LRCH2: variants seen among roughly 807,000 people sequenced by gnomAD.
LRCH2 encodes leucine rich repeats and calponin homology domain containing 2.
LRCH2 carries 38 observed loss-of-function variants against 68.9 expected under a neutral mutation model. That is an observed-to-expected ratio of 0.55 (90% CI 0.43 to 0.72). The LOEUF is 0.72. LRCH2 is among the 30% of genes least tolerant of loss of function. LRCH2 has a pLI of 0.00. For synonymous variants in LRCH2, 191 were observed against 208.1 expected (o/e 0.92, Z 0.71); for missense variants, 528 against 572.9 (o/e 0.92, Z 0.80).
At chrX:115,217,463 G>C (rs2073049128) in intron 1 of LRCH2, among the ~76,000 whole-genome samples, 1 of 111,103 alleles carries the variant, frequency 9.0e-6, no homozygotes, top group African/African-American at 3.3e-5. Flanking sequence ...CCACTTATGA[G>C]TGGGAACGTG....
At chrX:115,216,417 A>C (rs2073042272) in intron 1 of LRCH2, among the ~76,000 whole-genome samples, 1 of 112,348 alleles carries the variant, frequency 8.9e-6, no homozygotes, top group Admixed American at 9.5e-5. Flanking sequence ...ATGTTCTACA[A>C]TAAGCAAGCA....
chrX:115,183,294 G>T (rs1289428572), intron 3 of LRCH2, among the ~76,000 whole-genome samples: 1 of 111,693 alleles, frequency 9.0e-6, no homozygotes, highest in African/African-American at 3.3e-5. Flanking sequence ...TGAAATTTCT[G>T]CTCATTACAT....
intron 14 of LRCH2, among the ~76,000 whole-genome samples, chrX:115,134,002 T>A (rs1443295161): frequency 4.5e-5 from 5 of 111,924 alleles, no homozygotes; most frequent in African/African-American, 9.7e-5. Flanking sequence ...AAATAAGTGT[T>A]GAAGAAAAGT....
rs782672267 is a variant in LRCH2, at chrX:115,148,816, GTATT to G, written c.1695+1007_1695+1010del. 1.5e-4 allele frequency among the ~76,000 whole-genome samples: 17 copies of G among 111,366 alleles called. No homozygotes were observed. The South Asian group carries it at 6.4e-3, about 42-fold the overall frequency. ...ATGTAAGACTCATTAAAAGGACTCAGTATTTATTTGTTGAAGGCTTAAATTTACC... is the reference window on the plus strand; with the variant it reads ...ATGTAAGACTCATTAAAAGGACTCAGTATTTGTTGAAGGCTTAAATTTACC... On this transcript the variant is annotated intron_variant, in intron 14 of 20. Coordinates refer to ENST00000317135, the MANE Select transcript of LRCH2 (RefSeq NM_020871.4).
At chrX:115,192,023 A>T in intron 1 of LRCH2, 3 of 1,167,394 alleles carry the variant, frequency 2.6e-6, no homozygotes, top group Non-Finnish European at 3.4e-6. Flanking sequence ...GGAGGCCACT[A>T]CGAAGAGTAC....
chrX:115,157,729 T>G (rs2072486702), intron 11 of LRCH2, among the ~76,000 whole-genome samples: 1 of 109,827 alleles, frequency 9.1e-6, no homozygotes, highest in African/African-American at 3.3e-5. Flanking sequence ...CTAAAACTAT[T>G]AGGAAAAATA....
At chrX:115,180,599 T>C (rs1556552164) in intron 3 of LRCH2, among the ~76,000 whole-genome samples, 1 of 111,723 alleles carries the variant, frequency 9.0e-6, no homozygotes. Context: ...GAAATTCATA[T>C]TCTAATGCAA....
At position 115,123,471 on chromosome X, in the gene LRCH2, C is replaced by T. The variant is rs782160501; in HGVS notation, c.1850-279G>A. 3.5e-4 allele frequency among the ~76,000 whole-genome samples: 39 copies of T among 111,875 alleles called. No homozygotes were observed. The South Asian group carries it at 0.013, about 38-fold the overall frequency. On this transcript the variant is annotated intron_variant, in intron 17 of 20. Transcript: ENST00000317135. ...GCCCAGGTTAAAAATGATTACTGAACATATGTCAGCCTTTTATCTTTTAAA... is the reference window on the plus strand; with the variant it reads ...GCCCAGGTTAAAAATGATTACTGAATATATGTCAGCCTTTTATCTTTTAAA...
chrX:115,149,310 G>A (rs2072413364), intron 14 of LRCH2, among the ~76,000 whole-genome samples: 1 of 111,229 alleles, frequency 9.0e-6, no homozygotes, highest in South Asian at 3.7e-4. Flanking sequence ...CTGCTAACTA[G>A]AAATGTGGGA....
At chrX:115,145,145 ACCTACAGTGAACT>A (rs1284786767) in intron 14 of LRCH2, among the ~76,000 whole-genome samples, 1 of 111,472 alleles carries the variant, frequency 9.0e-6, no homozygotes, top group East Asian at 2.8e-4. Flanking sequence ...AACTTCACAC[ACCTACAGTGAACT>A]CAATTTCAAC....
intron 20 of LRCH2, among the ~76,000 whole-genome samples, chrX:115,119,770 T>C (rs2072119454): frequency 1.1e-5 from 1 of 94,623 alleles, no homozygotes; most frequent in Non-Finnish European, 2.1e-5. Flanking sequence ...CTTCAAACTA[T>C]ACTACAAGGC....
At chrX:115,202,951 G>A (rs2072940254) in intron 1 of LRCH2, among the ~76,000 whole-genome samples, 1 of 111,761 alleles carries the variant, frequency 8.9e-6, no homozygotes, top group Admixed American at 9.5e-5. Flanking sequence ...CCATAATTTG[G>A]GAGGAAAAGA....
chrX:115,165,077 G>A (rs1421468529), intron 10 of LRCH2, among the ~76,000 whole-genome samples: 2 of 110,487 alleles, frequency 1.8e-5, no homozygotes, highest in African/African-American at 6.6e-5. Context: ...TTGGTAAAGT[G>A]ATGTCAATAC....
intron 3 of LRCH2, among the ~76,000 whole-genome samples, chrX:115,182,873 T>C (rs1329362840): frequency 1.0e-5 from 1 of 98,255 alleles, no homozygotes; most frequent in Non-Finnish European, 2.1e-5. Flanking sequence ...TAAAATGGAG[T>C]GTAAACACAC....
rs191249277 is a variant in LRCH2 at position 115,153,952 on chromosome X, G to A, written c.1529+2650C>T. 9.9e-5 allele frequency among the ~76,000 whole-genome samples: 11 copies of A among 111,540 alleles called. No homozygotes were observed. In the East Asian group the frequency reaches 2.0e-3, roughly 20 times the overall value. The stretch of plus-strand genomic sequence containing the variant: ...TGATTTTTAACATTGCAATTAGAAC[G>A]TAGATTGTCAGATTCAATAAAAAGC... On this transcript the variant is annotated intron_variant, in intron 12 of 20. Transcript: ENST00000317135.
At chrX:115,161,930 G>GTTT (rs71986178) in intron 11 of LRCH2, among the ~76,000 whole-genome samples, 9 of 82,786 alleles carry the variant, frequency 1.1e-4, no homozygotes, top group South Asian at 7.0e-4. Context: ...AGGCCTGTCG[G>GTTT]TTTTTTTTTT....
intron 14 of LRCH2, among the ~76,000 whole-genome samples, chrX:115,134,773 C>G (rs1482333536): frequency 9.1e-6 from 1 of 109,817 alleles, no homozygotes; most frequent in East Asian, 2.9e-4. Flanking sequence ...TGCACAACAT[C>G]CATTCTGCAG....
At chrX:115,190,034 G>A (rs12009026) in intron 1 of LRCH2, 104,363 of 1,156,903 alleles carry the variant, frequency 0.09, 3,439 homozygotes, top group South Asian at 0.2. Context: ...CAGCCACGGC[G>A]CTGGGCCGGC....
At position 115,111,208 on chromosome X, in the gene LRCH2, C is replaced by T. The variant is rs916061125; in HGVS notation, c.*2008G>A. ...AGCCCATCTTAAATTGAATTTTGCT[C>T]TGCAGTAAAGAATGCTACAGTGAGG... On this transcript the variant is annotated 3_prime_UTR_variant, in exon 21 of 21. Coordinates refer to ENST00000317135, the MANE Select transcript of LRCH2 (RefSeq NM_020871.4). The T allele has an allele frequency of 1.8e-5, 2 of 111,019 alleles. No homozygotes were observed. Among genetic ancestry groups the T allele is most frequent in the African/African-American group, 6.5e-5 (2 of 30,550 alleles). 9.1% of individuals were successfully genotyped at this position (111,019 alleles called of 1,213,427 possible).
Sources: gnomAD v4.1 joint callset for allele counts (sites outside exome capture counted in the v4.1 genomes callset) on GRCh38, gnomAD v4.1.1 for gene constraint, MANE v1.5 for transcripts, NCBI Gene and HGNC (gene_info 2026-07-23, HGNC 2026-07-21) for gene names.